HPSE2: variants seen among roughly 807,000 people sequenced by gnomAD.
HPSE2 encodes heparanase 2 (inactive).
A neutral mutation model predicts 60.5 loss-of-function variants in HPSE2; 38 were observed. The ratio of observed to expected loss-of-function variants is 0.63; its 90% CI spans 0.48 to 0.82. HPSE2 has a LOEUF of 0.82. HPSE2 is among the 40% of genes least tolerant of loss of function. HPSE2 has a pLI of 0.00. For synonymous variants in HPSE2, 295 were observed against 293.2 expected, an observed-to-expected ratio of 1.01 and a Z score of -0.06; for missense variants, 713 against 740.4, an observed-to-expected ratio of 0.96 and a Z score of 0.43.
intron 3 of HPSE2, among the ~76,000 whole-genome samples, chr10:98,989,769 T>C (rs940848076): frequency 2.6e-5 from 4 of 152,166 alleles, no homozygotes; most frequent in Non-Finnish European, 5.9e-5. Context: ...TGCCACACAG[T>C]ATACAAAGCA....
chr10:98,693,997 T>G lies in HPSE2; in HGVS notation c.957-50A>C, dbSNP rs372935928. 2.9e-6 allele frequency: 4 copies of G among 1,379,154 alleles called. No individual in the cohort carries two copies. The African/African-American group carries it at 5.7e-5, about 20-fold the overall frequency. 85.4% of individuals were successfully genotyped at this position (1,379,154 alleles called of 1,614,324 possible). A position where few individuals can be genotyped will look rare whatever the true frequency, so the allele number is the denominator to read the frequency against. ...ATATTACAACTTAGATTAAACCACA[T>G]CCCCTAAATCAAAAGGAAATAAACT... On this transcript the variant is annotated intron_variant, in intron 5 of 11. Coordinates refer to ENST00000370552, the MANE Select transcript of HPSE2 (RefSeq NM_021828.5).
chr10:99,091,441 T>C (rs1843509816), intron 3 of HPSE2, among the ~76,000 whole-genome samples: 1 of 152,178 alleles, frequency 6.6e-6, no homozygotes, highest in South Asian at 2.1e-4. Flanking sequence ...TCTATGTCCA[T>C]GATTACTTCT....
At chr10:98,856,509 A>C (rs1952319027) in intron 3 of HPSE2, among the ~76,000 whole-genome samples, 1 of 152,190 alleles carries the variant, frequency 6.6e-6, no homozygotes, top group Admixed American at 6.5e-5. Flanking sequence ...CATTACATAG[A>C]AAGAAACAAA....
intron 2 of HPSE2, among the ~76,000 whole-genome samples, chr10:99,176,844 G>A (rs974353289): frequency 3.3e-5 from 5 of 151,766 alleles, no homozygotes; most frequent in Admixed American, 6.6e-5. Flanking sequence ...TTGAAATGAA[G>A]GAAAAAATGT....
chr10:98,894,029 T>C (rs1176428819), intron 3 of HPSE2, among the ~76,000 whole-genome samples: 1 of 152,122 alleles, frequency 6.6e-6, no homozygotes, highest in East Asian at 1.9e-4. Flanking sequence ...TCTGAAAACA[T>C]ATGCCACAGA....
intron 3 of HPSE2, among the ~76,000 whole-genome samples, chr10:98,973,500 C>A (rs10883234): frequency 0.15 from 23,297 of 152,128 alleles, 2,698 homozygotes; most frequent in African/African-American, 0.32. Flanking sequence ...AATTTCCTGC[C>A]TGCAAACACC....
At chr10:98,752,374 G>A (rs528284892) in intron 3 of HPSE2, among the ~76,000 whole-genome samples, 2 of 152,268 alleles carry the variant, frequency 1.3e-5, no homozygotes, top group Non-Finnish European at 2.9e-5. Flanking sequence ...CTTGAGGATA[G>A]GAAGATTCTT....
intron 9 of HPSE2, among the ~76,000 whole-genome samples, chr10:98,574,755 G>A (rs1944596987): frequency 6.6e-6 from 1 of 152,192 alleles, no homozygotes; most frequent in South Asian, 2.1e-4. Context: ...CTAATTTAAA[G>A]GGAAGTAGGT....
intron 3 of HPSE2, among the ~76,000 whole-genome samples, chr10:99,132,211 G>GAAAGAAAGAAAGGA (rs1564833041): frequency 5.4e-5 from 1 of 18,480 alleles, no homozygotes; most frequent in African/African-American, 8.5e-5. Context: ...GAGAGAGAGA[G>GAAAGAAAGAAAGGA]AGAGAGAGAG....
chr10:98,874,280 C>T (rs1024629124), intron 3 of HPSE2, among the ~76,000 whole-genome samples: 1 of 151,682 alleles, frequency 6.6e-6, no homozygotes, highest in African/African-American at 2.4e-5. Context: ...GAAGTCTTTG[C>T]CCATGCCTAT....
intron 9 of HPSE2, among the ~76,000 whole-genome samples, chr10:98,530,195 G>A (rs1943087305): frequency 6.6e-6 from 1 of 152,184 alleles, no homozygotes; most frequent in African/African-American, 2.4e-5. Context: ...ATGAGGTGGG[G>A]TGGGGTTTGC....
intron 3 of HPSE2, among the ~76,000 whole-genome samples, chr10:99,116,800 G>C (rs964608375): frequency 6.6e-6 from 1 of 152,148 alleles, no homozygotes; most frequent in African/African-American, 2.4e-5. Context: ...GCAGGGAGAA[G>C]GGAAGGTAGG....
the HPSE2 span, among the ~76,000 whole-genome samples, chr10:99,297,559 G>C: frequency 6.6e-6 from 1 of 152,184 alleles, no homozygotes. Context: ...TGTTCCATCA[G>C]TCATTTTATT....
intron 7 of HPSE2, among the ~76,000 whole-genome samples, chr10:98,630,195 G>GTT (rs149014315): frequency 2.2e-4 from 28 of 127,286 alleles, no homozygotes; most frequent in South Asian, 5.1e-4. Flanking sequence ...TTTTTTTTTT[G>GTT]TTTTTTTTTT....
intron 3 of HPSE2, among the ~76,000 whole-genome samples, chr10:98,809,368 T>C (rs1229569530): frequency 2.0e-5 from 3 of 152,074 alleles, no homozygotes; most frequent in African/African-American, 7.2e-5. Flanking sequence ...AAAATTAGGG[T>C]ACTATTAATA....
chr10:98,868,123 AAATT>A (rs1952640276), intron 3 of HPSE2, among the ~76,000 whole-genome samples: 1 of 130,428 alleles, frequency 7.7e-6, no homozygotes, highest in Admixed American at 8.0e-5. Flanking sequence ...ATAAATAAAT[AAATT>A]GTGGTACTTA....
intron 4 of HPSE2, among the ~76,000 whole-genome samples, chr10:98,734,908 C>CACACAT: frequency 8.3e-6 from 1 of 120,004 alleles, no homozygotes; most frequent in East Asian, 2.6e-4. Flanking sequence ...CACACACACA[C>CACACAT]ACAAACACAC....
intron 3 of HPSE2, among the ~76,000 whole-genome samples, chr10:99,098,959 A>C (rs1279470609): frequency 6.6e-6 from 1 of 152,186 alleles, no homozygotes; most frequent in Non-Finnish European, 1.5e-5. Flanking sequence ...ATTATATTTT[A>C]AACATCTCCT....
chr10:99,196,843 A>G (rs951719515), intron 2 of HPSE2, among the ~76,000 whole-genome samples: 5 of 152,192 alleles, frequency 3.3e-5, no homozygotes, highest in South Asian at 2.1e-4. Flanking sequence ...TTGAGCTACC[A>G]TATTATCCAG....
Sources: allele counts gnomAD v4.1 joint callset (sites outside exome capture counted in the v4.1 genomes callset), GRCh38; gene constraint gnomAD v4.1.1; transcripts MANE v1.5; gene names NCBI Gene and HGNC (gene_info 2026-07-23, HGNC 2026-07-21).